The following MACC1 variants were observed in gnomAD, a reference collection of about 807,000 sequenced individuals.
MACC1 encodes the protein MET transcriptional regulator MACC1.
MACC1 carries 79 observed loss-of-function variants against 70.7 expected under a neutral mutation model. That is an observed-to-expected ratio of 1.12 (90% confidence interval 0.93 to 1.35). The LOEUF is 1.35. Among genes scored for constraint, MACC1 ranks in the 40% most tolerant of loss-of-function variants. MACC1 has a pLI of 0.00. For synonymous variants in MACC1, 361 were observed against 347.2 expected (o/e 1.04, Z -0.44); for missense variants, 1,106 against 978.1 (o/e 1.13, Z -1.74).
chr7:20,183,780 C>G (rs1488130272), intron 1 of MACC1, among the ~76,000 whole-genome samples: 4 of 150,658 alleles, frequency 2.7e-5, no homozygotes, highest in African/African-American at 9.8e-5. Flanking sequence ...ATGATCTCAC[C>G]TCACTGCAGC....
At chr7:20,168,116 C>A (rs1392115124) in intron 2 of MACC1, among the ~76,000 whole-genome samples, 1 of 152,162 alleles carries the variant, frequency 6.6e-6, no homozygotes, top group African/African-American at 2.4e-5. Flanking sequence ...GAATTCCCTA[C>A]AGTATGTTCA....
At chr7:20,215,324 G>A (rs890276074) in intron 1 of MACC1, among the ~76,000 whole-genome samples, 1 of 152,108 alleles carries the variant, frequency 6.6e-6, no homozygotes, top group African/African-American at 2.4e-5. Context: ...GTTTCTTCTA[G>A]CCTCTAAACC....
At chr7:20,156,604 A>C (rs1782058149) in intron 5 of MACC1, among the ~76,000 whole-genome samples, 1 of 152,230 alleles carries the variant, frequency 6.6e-6, no homozygotes, top group African/African-American at 2.4e-5. Context: ...GCAGCTTCTA[A>C]CATTCAGTCT....
intron 3 of MACC1, among the ~76,000 whole-genome samples, chr7:20,163,589 A>C (rs1284216084): frequency 6.6e-6 from 1 of 152,242 alleles, no homozygotes; most frequent in Admixed American, 6.5e-5. Context: ...CAACTATTGA[A>C]ACAGATGAAT....
At chr7:20,173,758 T>C (rs1039806406) in intron 1 of MACC1, among the ~76,000 whole-genome samples, 3 of 152,162 alleles carry the variant, frequency 2.0e-5, no homozygotes, top group Admixed American at 1.3e-4. Flanking sequence ...TGAAATGTAA[T>C]AAATTCATTT....
chr7:20,164,828 G>A (rs1258640557), intron 2 of MACC1, among the ~76,000 whole-genome samples: 1 of 151,242 alleles, frequency 6.6e-6, no homozygotes, highest in Admixed American at 6.6e-5. Flanking sequence ...ATGTCTAAAT[G>A]GAAAACTATT....
chr7:20,215,132 A>G (rs1327460007), intron 1 of MACC1, among the ~76,000 whole-genome samples: 2 of 152,044 alleles, frequency 1.3e-5, no homozygotes, highest in African/African-American at 4.8e-5. Context: ...TCCAGTAATT[A>G]TAGTTGAAAG....
intron 5 of MACC1, among the ~76,000 whole-genome samples, chr7:20,157,422 T>C (rs1276223509): frequency 6.6e-6 from 1 of 151,990 alleles, no homozygotes; most frequent in Admixed American, 6.6e-5. Context: ...ACTAATATTA[T>C]TGTTTAGGCT....
intron 1 of MACC1, among the ~76,000 whole-genome samples, chr7:20,209,507 A>G (rs541297833): frequency 8.5e-5 from 13 of 152,304 alleles, no homozygotes; most frequent in African/African-American, 3.1e-4. Context: ...GTTTTGGCCA[A>G]TTTCTCCCAT....
chr7:20,167,634 A>C (rs866537712), intron 2 of MACC1, among the ~76,000 whole-genome samples: 4 of 151,476 alleles, frequency 2.6e-5, no homozygotes, highest in African/African-American at 9.7e-5. Flanking sequence ...TGAACTCTAC[A>C]CAACACTTTC....
At position 20,160,022 on chromosome 7, in the gene MACC1, A is replaced by G. The variant is rs764702611; in HGVS notation, c.339T>C (p.Phe113=). Residue 113 remains phenylalanine, a synonymous_variant, in exon 5 of 7, where the codon TTT becomes TTC. Transcript: ENST00000400331. ...FCREIENGNS[F]DSSGDELDVH... ...CATCAAGTTCATCACCGGAGGAATC[A>G]AAAGAATTTCCATTTTCTATTTCTC... 3 of 1,611,378 alleles carry G rather than the reference A, an allele frequency of 1.9e-6. No individual in the cohort carries two copies. The highest frequency in any genetic ancestry group is 2.5e-6 in the Non-Finnish European group (3 of 1,179,246).
chr7:20,178,413 T>C (rs1472078736), intron 1 of MACC1, among the ~76,000 whole-genome samples: 2 of 152,180 alleles, frequency 1.3e-5, no homozygotes, highest in African/African-American at 4.8e-5. Flanking sequence ...TTGTATACCT[T>C]CAACATTTTG....
chr7:20,201,274 G>A (rs1032403729), intron 1 of MACC1, among the ~76,000 whole-genome samples: 4 of 152,154 alleles, frequency 2.6e-5, no homozygotes, highest in African/African-American at 9.7e-5. Flanking sequence ...TTTATGAAAT[G>A]GGTTCTGAAG....
intron 1 of MACC1, among the ~76,000 whole-genome samples, chr7:20,191,441 C>A (rs1366751401): frequency 6.6e-6 from 1 of 151,182 alleles, no homozygotes; most frequent in Non-Finnish European, 1.5e-5. Flanking sequence ...TCTGGAAATG[C>A]AACCTGGCCC....
At chr7:20,150,459 C>T (rs1190868777) in intron 6 of MACC1, 1 of 152,186 alleles carries the variant, frequency 6.6e-6, no homozygotes, top group Non-Finnish European at 1.5e-5. Context: ...ACTTTGAACT[C>T]TCCAGCGGCC....
chr7:20,169,551 G>C (rs536910866), intron 2 of MACC1, among the ~76,000 whole-genome samples: 39 of 152,312 alleles, frequency 2.6e-4, no homozygotes, highest in African/African-American at 9.1e-4. Context: ...TCTCTGCAAA[G>C]CTCCACTGCT....
chr7:20,195,759 A>C (rs1373805304), intron 1 of MACC1, among the ~76,000 whole-genome samples: 1 of 152,206 alleles, frequency 6.6e-6, no homozygotes, highest in African/African-American at 2.4e-5. Flanking sequence ...TCATTATTTT[A>C]ATACTGCTCA....
At chr7:20,146,754 C>G (rs1781897757) in intron 6 of MACC1, among the ~76,000 whole-genome samples, 1 of 152,138 alleles carries the variant, frequency 6.6e-6, no homozygotes, top group South Asian at 2.1e-4. Flanking sequence ...TAAAGGAAAG[C>G]CCTCTCAGGA....
intron 1 of MACC1, among the ~76,000 whole-genome samples, chr7:20,208,520 C>G (rs1328105193): frequency 6.6e-6 from 1 of 152,102 alleles, no homozygotes; most frequent in East Asian, 1.9e-4. Flanking sequence ...TGCCACTGAC[C>G]TAGAGATCTG....
Sources: allele counts gnomAD v4.1 joint callset (sites outside exome capture counted in the v4.1 genomes callset), GRCh38; gene constraint gnomAD v4.1.1; transcripts MANE v1.5; gene names NCBI Gene and HGNC (gene_info 2026-07-23, HGNC 2026-07-21).